Variants in SLC17A1 observed in about 807,000 individuals in gnomAD.
The protein encoded by SLC17A1 is solute carrier family 17 member 1.
A neutral mutation model predicts 53.5 loss-of-function variants in SLC17A1; 51 were observed. The observed-to-expected ratio is 0.95, with a 90% CI of 0.76 to 1.20. The LOEUF (loss-of-function observed/expected upper bound fraction) is 1.20, where lower values mean the gene tolerates loss of function less well. SLC17A1 is among the 50% of genes most tolerant of loss of function. The pLI is 0.00. For synonymous variants in SLC17A1, 179 were observed against 198.8 expected (o/e 0.90, Z 0.84); for missense variants, 538 against 568.2 (o/e 0.95, Z 0.54).
chr6:25,798,963 T>A (rs1219296167), intron 11 of SLC17A1, 44 bp from the exon 12 acceptor site: 1 of 1,519,056 alleles, frequency 6.6e-7, no homozygotes, highest in East Asian at 2.3e-5. Context: ...ATTGCTCTTG[T>A]TTTTTTGTTT....
intron 2 of SLC17A1, among the ~76,000 whole-genome samples, chr6:25,829,394 G>A (rs977003712): frequency 2.6e-5 from 4 of 152,142 alleles, no homozygotes; most frequent in Non-Finnish European, 4.4e-5. Flanking sequence ...ATACCCCTGA[G>A]AAATTTAATC....
At chr6:25,770,088 C>G in the SLC17A1 span, 3 of 1,613,868 alleles carry the variant, frequency 1.9e-6, no homozygotes, top group Non-Finnish European at 2.5e-6. Context: ...TGACTGGAGT[C>G]CTGAAATCCA....
At chr6:25,754,374 C>G in the SLC17A1 span, among the ~76,000 whole-genome samples, 11 of 152,076 alleles carry the variant, frequency 7.2e-5, no homozygotes, top group Non-Finnish European at 1.6e-4. Flanking sequence ...TATTAAACAG[C>G]AGGATGGTGG....
chr6:25,819,880 T>A lies in SLC17A1; in HGVS notation c.243A>T (p.Gly81=). ...CATAGGAGGTGGAACTCAAGATGAT[T>A]CCCTGGATATCTGGGCTCCAATTAT... ...PMYNWSPDIQ[G]IILSSTSYGV... The change falls in exon 4 of 13, where the codon GGA becomes GGT. Residue 81 remains glycine, a synonymous_variant. Transcript: ENST00000244527. 6.2e-7 allele frequency: 1 copy of A among 1,613,364 alleles called. No homozygotes were observed. Among genetic ancestry groups the A allele is most frequent in the Non-Finnish European group, 8.5e-7 (1 of 1,179,634 alleles).
downstream of SLC17A1, chr6:25,777,921 C>T: frequency 6.2e-7 from 1 of 1,607,864 alleles, no homozygotes; most frequent in Non-Finnish European, 8.5e-7. Flanking sequence ...ATCTCTCTCT[C>T]TCAGGTACAC....
the SLC17A1 span, among the ~76,000 whole-genome samples, chr6:25,771,523 A>C: frequency 6.6e-6 from 1 of 152,078 alleles, no homozygotes; most frequent in Non-Finnish European, 1.5e-5. Context: ...GCAGTGAGCC[A>C]AGATCACACT....
chr6:25,753,412 C>G, the SLC17A1 span, among the ~76,000 whole-genome samples: 1 of 151,952 alleles, frequency 6.6e-6, no homozygotes, highest in Non-Finnish European at 1.5e-5. Flanking sequence ...AAGACTTTTA[C>G]ACCAGTAAGT....
chr6:25,731,976 A>G, the SLC17A1 span: 26 of 1,592,550 alleles, frequency 1.6e-5, no homozygotes, highest in Admixed American at 1.2e-4. Flanking sequence ...AAAAGAATTC[A>G]TGATACTCAT....
chr6:25,773,269 T>C, the SLC17A1 span: 4 of 1,610,762 alleles, frequency 2.5e-6, no homozygotes, highest in Non-Finnish European at 3.4e-6. Flanking sequence ...GATCCCCTTT[T>C]CCTAGGAGGA....
At chr6:25,757,616 T>A in the SLC17A1 span, among the ~76,000 whole-genome samples, 9 of 152,132 alleles carry the variant, frequency 5.9e-5, no homozygotes, top group African/African-American at 2.2e-4. Context: ...GGTTTCTTGA[T>A]CCCTTTCTCT....
the SLC17A1 span, among the ~76,000 whole-genome samples, chr6:25,735,353 G>T: frequency 2.6e-5 from 4 of 152,280 alleles, no homozygotes; most frequent in African/African-American, 9.6e-5. Flanking sequence ...AGCCCAGAAG[G>T]GACATAAGTA....
intron 3 of SLC17A1, among the ~76,000 whole-genome samples, chr6:25,824,857 C>T (rs2151505888): frequency 6.6e-6 from 1 of 151,938 alleles, no homozygotes; most frequent in South Asian, 2.1e-4. Flanking sequence ...TTTCAGTTCT[C>T]ACAGTTTTTG....
chr6:25,776,002 T>G, the SLC17A1 span, among the ~76,000 whole-genome samples: 1 of 152,180 alleles, frequency 6.6e-6, no homozygotes, highest in South Asian at 2.1e-4. Context: ...TGCAACCCTC[T>G]GTGGAGTAAA....
chr6:25,783,718 C>T (rs1052599200), intron 12 of SLC17A1, among the ~76,000 whole-genome samples: 2 of 152,122 alleles, frequency 1.3e-5, no homozygotes, highest in African/African-American at 4.8e-5. Flanking sequence ...TTACCAAATT[C>T]CCATTCTTTG....
chr6:25,786,450 G>T (rs556956415), intron 12 of SLC17A1, among the ~76,000 whole-genome samples: 1 of 152,254 alleles, frequency 6.6e-6, no homozygotes, highest in South Asian at 2.1e-4. Context: ...TCTCCATTTT[G>T]TTGGACCAGA....
the SLC17A1 span, among the ~76,000 whole-genome samples, chr6:25,775,210 T>C: frequency 9.4e-3 from 1,426 of 151,992 alleles, 13 homozygotes; most frequent in African/African-American, 0.024. Context: ...CATCTGCCTG[T>C]AGTCCCAGCT....
chr6:25,774,872 A>G, the SLC17A1 span, among the ~76,000 whole-genome samples: 1 of 152,246 alleles, frequency 6.6e-6, no homozygotes, highest in Non-Finnish European at 1.5e-5. Flanking sequence ...CGGCTTACGC[A>G]TCTGTAAAAT....
At chr6:25,768,610 T>A in the SLC17A1 span, among the ~76,000 whole-genome samples, 1 of 152,144 alleles carries the variant, frequency 6.6e-6, no homozygotes. Flanking sequence ...TTGGGAGTCA[T>A]CTCCAGCAGT....
the SLC17A1 span, chr6:25,761,813 C>T: frequency 3.3e-6 from 2 of 607,956 alleles, no homozygotes; most frequent in Non-Finnish European, 5.5e-6. Flanking sequence ...TTTCATAAAC[C>T]CTAATCTACC....
Sources: gnomAD v4.1 joint callset for allele counts (sites outside exome capture counted in the v4.1 genomes callset) on GRCh38, gnomAD v4.1.1 for gene constraint, MANE v1.5 for transcripts, NCBI Gene and HGNC (gene_info 2026-07-23, HGNC 2026-07-21) for gene names.